The following GALNT13 variants were observed in gnomAD, a reference collection of about 807,000 sequenced individuals.
GALNT13 encodes polypeptide N-acetylgalactosaminyltransferase 13, also known as UDP-GalNAc:polypeptide N-acetylgalactosaminyltransferase 13.
Under a neutral mutation model 64.2 loss-of-function variants are expected in GALNT13, and 28 were observed. That is an observed-to-expected ratio of 0.44 (90% CI 0.32 to 0.60). GALNT13 has a LOEUF of 0.60. GALNT13 is among the 20% of genes least tolerant of loss of function. GALNT13 has a pLI of 0.05. For missense variants in GALNT13, 577 were observed against 669.8 expected, an observed-to-expected ratio of 0.86 and a Z score of 1.53; for synonymous variants, 214 against 224.6, an observed-to-expected ratio of 0.95 and a Z score of 0.42.
chr2:153,819,499 G>C, the GALNT13 span, among the ~76,000 whole-genome samples: 19 of 152,166 alleles, frequency 1.2e-4, no homozygotes, highest in African/African-American at 4.1e-4. Context: ...AGCCACCCTT[G>C]TCAGGGCTGG....
the GALNT13 span, among the ~76,000 whole-genome samples, chr2:153,458,629 G>A: frequency 6.6e-5 from 10 of 152,108 alleles, no homozygotes; most frequent in African/African-American, 1.9e-4. Context: ...TATAATCTGC[G>A]GACAGATTCT....
the GALNT13 span, among the ~76,000 whole-genome samples, chr2:153,333,418 G>T: frequency 6.6e-6 from 1 of 152,066 alleles, no homozygotes. Flanking sequence ...GCCGTTTGCT[G>T]GCATTCTCAT....
At chr2:154,299,491 C>G (rs1478909061) in intron 8 of GALNT13, among the ~76,000 whole-genome samples, 1 of 144,462 alleles carries the variant, frequency 6.9e-6, no homozygotes, top group Non-Finnish European at 1.5e-5. Context: ...GAGTCTCACT[C>G]TCGCCCAGGC....
chr2:154,123,155 C>G (rs1171268183), intron 3 of GALNT13, among the ~76,000 whole-genome samples: 1 of 151,900 alleles, frequency 6.6e-6, no homozygotes, highest in Non-Finnish European at 1.5e-5. Context: ...TTCTAGCAGA[C>G]TTGTCCATAA....
At chr2:153,688,526 T>A in the GALNT13 span, among the ~76,000 whole-genome samples, 1 of 152,028 alleles carries the variant, frequency 6.6e-6, no homozygotes, top group African/African-American at 2.4e-5. Flanking sequence ...TTTTACTTAG[T>A]GAACATATCT....
At chr2:153,937,101 T>C (rs1272942479) in intron 2 of GALNT13, among the ~76,000 whole-genome samples, 2 of 152,244 alleles carry the variant, frequency 1.3e-5, no homozygotes, top group East Asian at 3.9e-4. Flanking sequence ...TGCTAAGACA[T>C]AGCATATGAT....
At chr2:153,170,933 A>G in the GALNT13 span, among the ~76,000 whole-genome samples, 2 of 152,212 alleles carry the variant, frequency 1.3e-5, no homozygotes, top group Admixed American at 6.5e-5. Flanking sequence ...AATAGATAAA[A>G]TAATTATGAA....
At chr2:153,613,420 G>T in the GALNT13 span, among the ~76,000 whole-genome samples, 7 of 152,020 alleles carry the variant, frequency 4.6e-5, no homozygotes, top group Non-Finnish European at 1.0e-4. Context: ...TATTACATTT[G>T]AATTTGTCTT....
At chr2:154,112,166 A>G (rs1703022847) in intron 3 of GALNT13, among the ~76,000 whole-genome samples, 3 of 152,190 alleles carry the variant, frequency 2.0e-5, no homozygotes, top group African/African-American at 7.2e-5. Flanking sequence ...ACCCCAAGTA[A>G]TGGTGCCATA....
At chr2:153,697,891 GTAAAAGAT>G in the GALNT13 span, among the ~76,000 whole-genome samples, 1 of 152,166 alleles carries the variant, frequency 6.6e-6, no homozygotes, top group African/African-American at 2.4e-5. Flanking sequence ...CATAATCCAG[GTAAAAGAT>G]AATAATGACT....
the GALNT13 span, among the ~76,000 whole-genome samples, chr2:153,298,506 A>G: frequency 0.38 from 56,983 of 151,686 alleles, 11,043 homozygotes; most frequent in Middle Eastern, 0.49. Flanking sequence ...AGTGAACTCA[A>G]TGTTAGCAGG....
intron 12 of GALNT13, among the ~76,000 whole-genome samples, chr2:154,448,868 CT>C (rs1034918334): frequency 2.6e-5 from 4 of 151,754 alleles, no homozygotes; most frequent in African/African-American, 9.7e-5. Flanking sequence ...AAAAATCATA[CT>C]TTTTTTAAAA....
At chr2:153,127,963 A>G in the GALNT13 span, among the ~76,000 whole-genome samples, 2 of 152,214 alleles carry the variant, frequency 1.3e-5, no homozygotes, top group Non-Finnish European at 2.9e-5. Flanking sequence ...TACAATAGCC[A>G]TAAGAGTTAA....
At chr2:153,791,334 C>T in the GALNT13 span, among the ~76,000 whole-genome samples, 2 of 152,134 alleles carry the variant, frequency 1.3e-5, no homozygotes, top group African/African-American at 4.8e-5. Flanking sequence ...TACCATCTCA[C>T]ACCAGTCATA....
chr2:154,004,418 A>T (rs886728395), intron 3 of GALNT13, among the ~76,000 whole-genome samples: 2 of 151,990 alleles, frequency 1.3e-5, no homozygotes, highest in Admixed American at 6.6e-5. Context: ...GTTAGCCAGG[A>T]TGGTCTTGTT....
chr2:153,727,328 A>T, the GALNT13 span, among the ~76,000 whole-genome samples: 1 of 152,108 alleles, frequency 6.6e-6, no homozygotes, highest in Admixed American at 6.5e-5. Flanking sequence ...GTTGTACATC[A>T]TTCATTCTCA....
chr2:153,187,478 C>G, the GALNT13 span: 1 of 152,170 alleles, frequency 6.6e-6, no homozygotes, highest in Non-Finnish European at 1.5e-5. Context: ...TTATTTTGTT[C>G]TATGAATCAT....
At chr2:154,012,360 G>C (rs539308900) in intron 3 of GALNT13, among the ~76,000 whole-genome samples, 2 of 152,178 alleles carry the variant, frequency 1.3e-5, no homozygotes, top group African/African-American at 4.8e-5. Context: ...TTTTTGGTTG[G>C]AATTTCTTTT....
At chr2:153,459,444 TCAA>T in the GALNT13 span, among the ~76,000 whole-genome samples, 2 of 151,868 alleles carry the variant, frequency 1.3e-5, no homozygotes, top group Non-Finnish European at 2.9e-5. Flanking sequence ...AAACCGCCTC[TCAA>T]CAACAACAAT....
Sources: allele counts gnomAD v4.1 joint callset (sites outside exome capture counted in the v4.1 genomes callset), GRCh38; gene constraint gnomAD v4.1.1; transcripts MANE v1.5; gene names NCBI Gene and HGNC (gene_info 2026-07-23, HGNC 2026-07-21).